The following MAST4 variants were observed in gnomAD, a reference collection of about 807,000 sequenced individuals.
MAST4 encodes microtubule-associated serine/threonine-protein kinase 4.
Under a neutral mutation model 162.7 loss-of-function variants are expected in MAST4, and 89 were observed. That is an observed-to-expected ratio of 0.55 (90% CI 0.46 to 0.65). The LOEUF (loss-of-function observed/expected upper bound fraction) is 0.65. Among genes scored for constraint, MAST4 ranks in the 30% least tolerant of loss-of-function variants. The probability of loss-of-function intolerance (pLI) is 0.00; values close to 1 mark genes in which losing one functional copy is unlikely to be tolerated. For missense variants in MAST4, 3,153 were observed against 3,374.0 expected, an observed-to-expected ratio of 0.93 and a Z score of 1.62; for synonymous variants, 1,479 against 1,361.1, an observed-to-expected ratio of 1.09 and a Z score of -1.91.
intron 1 of MAST4, among the ~76,000 whole-genome samples, chr5:66,758,721 C>G (rs1422725199): frequency 6.6e-6 from 1 of 152,212 alleles, no homozygotes; most frequent in African/African-American, 2.4e-5. Flanking sequence ...GTGATCACCT[C>G]TTTTCCCCAT....
At chr5:66,713,669 G>A (rs903827307) in intron 1 of MAST4, among the ~76,000 whole-genome samples, 1 of 152,050 alleles carries the variant, frequency 6.6e-6, no homozygotes, top group African/African-American at 2.4e-5. Context: ...TATTGCAAAC[G>A]TTTCGTAATA....
At chr5:67,001,455 A>C (rs538530061) in intron 4 of MAST4, 2 of 151,238 alleles carry the variant, frequency 1.3e-5, no homozygotes, top group Non-Finnish European at 2.9e-5. Context: ...AATGCAAAAA[A>C]AAAAAATAAA....
intron 4 of MAST4, among the ~76,000 whole-genome samples, chr5:67,039,029 C>A (rs1756391379): frequency 6.6e-6 from 1 of 152,170 alleles, no homozygotes; most frequent in Non-Finnish European, 1.5e-5. Flanking sequence ...TATGTTATGA[C>A]CACAAAGCCA....
At chr5:66,968,170 GT>G (rs1746981283) in intron 4 of MAST4, among the ~76,000 whole-genome samples, 1 of 152,168 alleles carries the variant, frequency 6.6e-6, no homozygotes, top group South Asian at 2.1e-4. Flanking sequence ...CTATTATGCC[GT>G]AGTGATGTTC....
Position 67,167,592 on chromosome 5 carries a change from A to G in MAST4, c.*541A>G, listed in dbSNP as rs564135872. On this transcript the variant is annotated 3_prime_UTR_variant, in exon 29 of 29. Transcript: ENST00000403625. The stretch of plus-strand genomic sequence containing the variant: ...AGGTTCCATTTTTATAAGCTAAAAC[A>G]TTCTAAGTTAAGATGGAAGAAAGCC... The G allele has an allele frequency of 1.3e-5, 2 of 152,262 alleles. No individual in the cohort carries two copies. The highest frequency in any genetic ancestry group is 2.9e-5 in the Non-Finnish European group (2 of 68,074). The allele number at this position is 152,262 out of a possible 1,614,324, so 9.4% of individuals were successfully genotyped here. A position where few individuals can be genotyped will look rare whatever the true frequency, so the allele number is the denominator to read the frequency against.
chr5:66,994,207 A>G (rs1445492166), intron 4 of MAST4, among the ~76,000 whole-genome samples: 1 of 152,164 alleles, frequency 6.6e-6, no homozygotes, highest in Non-Finnish European at 1.5e-5. Context: ...GCAAGTGAGG[A>G]GAAGACATGA....
intron 4 of MAST4, among the ~76,000 whole-genome samples, chr5:67,042,831 A>G (rs1402073050): frequency 6.6e-6 from 1 of 152,206 alleles, no homozygotes; most frequent in Non-Finnish European, 1.5e-5. Context: ...GCTTTTTGCC[A>G]CATGACTTCT....
intron 1 of MAST4, among the ~76,000 whole-genome samples, chr5:66,632,268 C>A (rs1470461828): frequency 6.6e-6 from 1 of 152,084 alleles, no homozygotes; most frequent in Non-Finnish European, 1.5e-5. Flanking sequence ...TTCATTTGTT[C>A]TTTTGCAAAG....
chr5:66,879,238 T>C (rs989087194), intron 3 of MAST4, among the ~76,000 whole-genome samples: 3 of 151,462 alleles, frequency 2.0e-5, no homozygotes, highest in African/African-American at 4.9e-5. Flanking sequence ...GAGATTGCGC[T>C]ACTGCACTCC....
chr5:66,759,333 T>C (rs1753723068), intron 1 of MAST4, among the ~76,000 whole-genome samples: 1 of 152,198 alleles, frequency 6.6e-6, no homozygotes, highest in South Asian at 2.1e-4. Flanking sequence ...TACACACACA[T>C]ACACGTATAA....
chr5:66,915,682 C>T (rs551495679), intron 4 of MAST4, among the ~76,000 whole-genome samples: 9 of 152,286 alleles, frequency 5.9e-5, no homozygotes, highest in East Asian at 3.9e-4. Context: ...TGAGGCTGCA[C>T]GCGGGCGCTG....
chr5:67,049,022 C>CGTATATATATATATATATACGT (rs1316959707), intron 4 of MAST4, among the ~76,000 whole-genome samples: 3 of 81,940 alleles, frequency 3.7e-5, no homozygotes, highest in South Asian at 4.0e-4. Context: ...TATATATATA[C>CGTATATATATATATATATACGT]GTATATATAT....
At chr5:67,071,715 G>A (rs1163282997) in intron 5 of MAST4, among the ~76,000 whole-genome samples, 3 of 152,190 alleles carry the variant, frequency 2.0e-5, no homozygotes, top group South Asian at 2.1e-4. Flanking sequence ...AGCCGAGATC[G>A]TGCTGCTGCG....
intron 8 of MAST4, 108 bp downstream of exon 8, chr5:67,100,700 A>C (rs763566823): frequency 7.7e-5 from 97 of 1,263,842 alleles, no homozygotes; most frequent in Non-Finnish European, 1.0e-4. Context: ...CTGACTTGCA[A>C]ACTATTACAA....
intron 1 of MAST4, among the ~76,000 whole-genome samples, chr5:66,661,351 G>A (rs1561244989): frequency 6.6e-6 from 1 of 152,172 alleles, no homozygotes. Context: ...CATGCAGGAT[G>A]AAGGGGGAAG....
At chr5:66,782,379 T>C (rs1256113909) in intron 2 of MAST4, among the ~76,000 whole-genome samples, 2 of 151,762 alleles carry the variant, frequency 1.3e-5, no homozygotes, top group Non-Finnish European at 2.9e-5. Context: ...GATTCAATAA[T>C]GTATTTATTT....
chr5:66,891,296 T>C (rs999319228), intron 3 of MAST4, among the ~76,000 whole-genome samples: 5 of 152,136 alleles, frequency 3.3e-5, no homozygotes, highest in Admixed American at 3.3e-4. Flanking sequence ...TCAACTCCTG[T>C]GGATCCTGTA....
intron 6 of MAST4, among the ~76,000 whole-genome samples, chr5:67,090,707 G>A (rs1763768693): frequency 6.6e-6 from 1 of 151,748 alleles, no homozygotes; most frequent in Admixed American, 6.6e-5. Context: ...GTCAAAGATA[G>A]ATGTCTCATA....
intron 1 of MAST4, among the ~76,000 whole-genome samples, chr5:66,725,886 C>T (rs1751486022): frequency 6.6e-6 from 1 of 152,140 alleles, no homozygotes; most frequent in African/African-American, 2.4e-5. Context: ...ATGATATTCA[C>T]TCATTTATTC....
Sources: gnomAD v4.1 joint callset for allele counts (sites outside exome capture counted in the v4.1 genomes callset) on GRCh38, gnomAD v4.1.1 for gene constraint, MANE v1.5 for transcripts, NCBI Gene and HGNC (gene_info 2026-07-23, HGNC 2026-07-21) for gene names.